Variants in USP34 observed in about 807,000 individuals in gnomAD.
USP34 encodes ubiquitin specific peptidase 34, also known as ubiquitin carboxyl-terminal hydrolase 34.
In USP34, 70 loss-of-function variants were observed where a neutral mutation model predicts 460.3. That is an observed-to-expected ratio of 0.15 (90% CI 0.13 to 0.19). The LOEUF (loss-of-function observed/expected upper bound fraction) is 0.19, where lower values mean the gene tolerates loss of function less well. Ranked by LOEUF, USP34 falls within the 10% of genes least tolerant of loss-of-function variation. The pLI is 1.00. For missense variants in USP34, 3,985 were observed against 4,236.2 expected (o/e 0.94, Z 1.65); for synonymous variants, 1,647 against 1,405.3 (o/e 1.17, Z -3.85).
chr2:61,457,302 T>G (rs950024749), intron 1 of USP34, among the ~76,000 whole-genome samples: 1 of 152,068 alleles, frequency 6.6e-6, no homozygotes, highest in African/African-American at 2.4e-5. Flanking sequence ...GCCATTTCTG[T>G]TACCATAGGA....
At chr2:61,293,106 C>A (rs1265984269) in intron 33 of USP34, among the ~76,000 whole-genome samples, 3 of 151,566 alleles carry the variant, frequency 2.0e-5, no homozygotes, top group African/African-American at 7.3e-5. Flanking sequence ...GAAATGATCA[C>A]AACAAAATAA....
chr2:61,455,895 G>A (rs1376291095), intron 1 of USP34, among the ~76,000 whole-genome samples: 1 of 152,100 alleles, frequency 6.6e-6, no homozygotes, highest in Non-Finnish European at 1.5e-5. Flanking sequence ...TAAGAGGTAA[G>A]GGAACTTAGC....
At chr2:61,329,562 CA>C (rs967058431) in intron 20 of USP34, among the ~76,000 whole-genome samples, 4 of 151,518 alleles carry the variant, frequency 2.6e-5, no homozygotes, top group South Asian at 2.1e-4. Flanking sequence ...AATAAACTGT[CA>C]AAAAAAATTA....
At chr2:61,456,103 A>T (rs914210929) in intron 1 of USP34, among the ~76,000 whole-genome samples, 7 of 151,184 alleles carry the variant, frequency 4.6e-5, no homozygotes, top group South Asian at 2.1e-4. Flanking sequence ...TTATGTTTTT[A>T]AAAAAACAAA....
At chr2:61,426,906 C>A (rs575180907) in intron 1 of USP34, among the ~76,000 whole-genome samples, 67 of 152,344 alleles carry the variant, frequency 4.4e-4, no homozygotes, top group South Asian at 3.5e-3. Flanking sequence ...ACAAGAGTCT[C>A]CACCTGGTAA....
In USP34 at chr2:61,222,119, T is replaced by C. The variant is rs139462982; in HGVS notation, c.7794+500A>G. Among the ~76,000 whole-genome samples, 53 of 152,332 alleles carry C rather than the reference T, an allele frequency of 3.5e-4. 1 individual carries two copies. The East Asian group carries it at 7.9e-3, about 23-fold the overall frequency. On this transcript the variant is annotated intron_variant, in intron 65 of 79. Transcript: ENST00000398571. ...ACATGTCCCCAACCCCAAAAATAAATTGTTAATGAGACAACTGTGTTCTAT... is the reference window on the plus strand; with the variant it reads ...ACATGTCCCCAACCCCAAAAATAAACTGTTAATGAGACAACTGTGTTCTAT...
chr2:61,309,968 G>C (rs1690537510), intron 27 of USP34, among the ~76,000 whole-genome samples: 1 of 151,934 alleles, frequency 6.6e-6, no homozygotes, highest in South Asian at 2.1e-4. Context: ...TATCCACTAG[G>C]TTTGTGGTTG....
At chr2:61,236,703 C>T (rs1688079633) in intron 53 of USP34, among the ~76,000 whole-genome samples, 1 of 152,124 alleles carries the variant, frequency 6.6e-6, no homozygotes, top group African/African-American at 2.4e-5. Context: ...AGTCATGTTA[C>T]ATTCTGATAA....
At chr2:61,431,528 T>C (rs1694674753) in intron 1 of USP34, among the ~76,000 whole-genome samples, 1 of 152,198 alleles carries the variant, frequency 6.6e-6, no homozygotes, top group South Asian at 2.1e-4. Context: ...ATCCTGGCTT[T>C]AGGATTACTA....
In USP34 at chr2:61,247,500, G is replaced by C. The variant is rs1031937646; in HGVS notation, c.6394+1011C>G. ...ACAAGAAATATAATGAAGCACAGCTGTGAGGAGGTTCTGCTCTACTCTTCC... is the reference window on the plus strand; with the variant it reads ...ACAAGAAATATAATGAAGCACAGCTCTGAGGAGGTTCTGCTCTACTCTTCC... On this transcript the variant is annotated intron_variant, in intron 49 of 79. Transcript: ENST00000398571. Among the ~76,000 whole-genome samples the C allele has an allele frequency of 4.6e-5, 7 of 152,310 alleles. No homozygotes were observed. The East Asian group carries it at 1.2e-3, about 25-fold the overall frequency.
intron 67 of USP34, among the ~76,000 whole-genome samples, chr2:61,217,320 C>T (rs1468602077): frequency 6.6e-6 from 1 of 152,158 alleles, no homozygotes; most frequent in African/African-American, 2.4e-5. Flanking sequence ...TATATGGCAA[C>T]TCTAAGACAC....
chr2:61,210,684 T>G (rs1687249979), intron 69 of USP34, among the ~76,000 whole-genome samples: 1 of 152,204 alleles, frequency 6.6e-6, no homozygotes, highest in South Asian at 2.1e-4. Context: ...CTTTATTCCT[T>G]TCCTTTTTCA....
At chr2:61,419,669 ATTT>A (rs549584387) in intron 2 of USP34, among the ~76,000 whole-genome samples, 2 of 152,100 alleles carry the variant, frequency 1.3e-5, no homozygotes, top group Admixed American at 1.3e-4. Context: ...AGAAGTGTAG[ATTT>A]TTTTCCTAGT....
intron 10 of USP34, among the ~76,000 whole-genome samples, chr2:61,369,578 G>C (rs1333955841): frequency 1.4e-5 from 2 of 145,490 alleles, no homozygotes; most frequent in African/African-American, 2.6e-5. Flanking sequence ...GGGAGGCGGA[G>C]GTTGCAGTAA....
intron 8 of USP34, among the ~76,000 whole-genome samples, chr2:61,375,527 T>G (rs1401374556): frequency 6.6e-6 from 1 of 152,088 alleles, no homozygotes; most frequent in Non-Finnish European, 1.5e-5. Flanking sequence ...CCCAGCACTT[T>G]GGGAGGCCAA....
chr2:61,262,029 T>A (rs1688895181), intron 43 of USP34, among the ~76,000 whole-genome samples: 1 of 137,482 alleles, frequency 7.3e-6, no homozygotes. Flanking sequence ...AGGCAGAGGT[T>A]GCAGTGAGCC....
chr2:61,290,107 A>C (rs978079272), intron 33 of USP34, among the ~76,000 whole-genome samples: 1 of 152,156 alleles, frequency 6.6e-6, no homozygotes, highest in Non-Finnish European at 1.5e-5. Context: ...ATAATGCTAA[A>C]CATCATTAGC....
chr2:61,386,262 A>G (rs1412819652), intron 5 of USP34, among the ~76,000 whole-genome samples: 3 of 152,178 alleles, frequency 2.0e-5, no homozygotes, highest in African/African-American at 7.2e-5. Flanking sequence ...ACTTCAGGCC[A>G]GGAGTTCAAC....
intron 1 of USP34, among the ~76,000 whole-genome samples, chr2:61,442,243 A>T (rs1694986395): frequency 6.6e-6 from 1 of 152,190 alleles, no homozygotes; most frequent in Non-Finnish European, 1.5e-5. Context: ...CAGGCAACAA[A>T]CAACAAATGG....
Sources: gnomAD v4.1 joint callset for allele counts (sites outside exome capture counted in the v4.1 genomes callset) on GRCh38, gnomAD v4.1.1 for gene constraint, MANE v1.5 for transcripts, NCBI Gene and HGNC (gene_info 2026-07-23, HGNC 2026-07-21) for gene names.